The following ROR2 variants were observed in gnomAD, a reference collection of about 807,000 sequenced individuals.
The protein encoded by ROR2 is ROR family WNT receptor 2.
ROR2 carries 33 observed loss-of-function variants against 74.9 expected under a neutral mutation model. The ratio of observed to expected loss-of-function variants is 0.44; its 90% CI spans 0.33 to 0.59. The LOEUF is 0.59. Among genes scored for constraint, ROR2 ranks in the 20% least tolerant of loss-of-function variants. ROR2 has a pLI of 0.02. For synonymous variants in ROR2, 586 were observed against 558.7 expected (o/e 1.05, Z -0.69); for missense variants, 1,216 against 1,313.8 (o/e 0.93, Z 1.15).
At position 91,818,443 on chromosome 9, in the gene ROR2, C is replaced by T. The variant is rs1366990403; in HGVS notation, c.98-42625G>A. 5.3e-5 allele frequency among the ~76,000 whole-genome samples: 8 copies of T among 149,934 alleles called. 1 individual carries two copies. In the East Asian group the frequency reaches 8.0e-4, roughly 15 times the overall value. ...GTACTCCACCACAACCACCAACTCC[C>T]GCCCACCACGCCCCCCCACCCCACC... On this transcript the variant is annotated intron_variant, in intron 1 of 8. Coordinates refer to ENST00000375708, the MANE Select transcript of ROR2 (RefSeq NM_004560.4).
intron 1 of ROR2, among the ~76,000 whole-genome samples, chr9:91,812,298 G>A (rs898881305): frequency 9.2e-5 from 14 of 152,118 alleles, no homozygotes; most frequent in African/African-American, 2.6e-4. Flanking sequence ...AGAAGAAAAC[G>A]GGCGGATTTA....
intron 1 of ROR2, among the ~76,000 whole-genome samples, chr9:91,853,902 G>A (rs778611353): frequency 2.0e-5 from 3 of 152,204 alleles, no homozygotes; most frequent in Non-Finnish European, 4.4e-5. Flanking sequence ...ATGAGACGCT[G>A]AGGAACAAAG....
intron 1 of ROR2, among the ~76,000 whole-genome samples, chr9:91,906,008 A>G (rs76471041): frequency 4.2e-5 from 6 of 143,970 alleles, no homozygotes; most frequent in Admixed American, 2.7e-4. Context: ...GAATTCTTTG[A>G]AAAAAAAAAA....
At position 91,724,058 on chromosome 9, in the gene ROR2, C is replaced by T. The variant is rs752571643; in HGVS notation, c.2436G>A (p.Val812=). ...IPMKGQIRPM[V]PPPQLYVPVN... ...CGGGGACGTAGAGCTGCGGCGGGGG[C>T]ACCATGGGTCTGATCTGGCCCTTCA... The change falls in exon 9 of 9, where the codon GTG becomes GTA. Residue 812 remains valine (V), a synonymous_variant. Transcript: ENST00000375708. The T allele has an allele frequency of 2.8e-5, 45 of 1,609,812 alleles. No individual in the cohort carries two copies. The South Asian group carries it at 4.2e-4, about 15-fold the overall frequency.
chr9:91,802,773 C>G (rs567504357), intron 1 of ROR2, among the ~76,000 whole-genome samples: 1 of 152,236 alleles, frequency 6.6e-6, no homozygotes, highest in African/African-American at 2.4e-5. Context: ...TTTTCCTGGT[C>G]TCCCAATCAC....
intron 1 of ROR2, among the ~76,000 whole-genome samples, chr9:91,806,002 G>A (rs1827534332): frequency 6.6e-6 from 1 of 152,166 alleles, no homozygotes; most frequent in Non-Finnish European, 1.5e-5. Flanking sequence ...AATTCAACAA[G>A]CCTGATTTTA....
chr9:91,843,751 C>A (rs990396240), intron 1 of ROR2, among the ~76,000 whole-genome samples: 4 of 152,264 alleles, frequency 2.6e-5, no homozygotes, highest in East Asian at 1.9e-4. Context: ...CGTGGCACCA[C>A]CCCCGGCTCC....
intron 1 of ROR2, among the ~76,000 whole-genome samples, chr9:91,824,915 G>C (rs1351949724): frequency 6.6e-6 from 1 of 152,172 alleles, no homozygotes; most frequent in East Asian, 1.9e-4. Flanking sequence ...TTAACCTAGT[G>C]AACAGCGCTG....
chr9:91,755,316 AC>A (rs1825712556), intron 4 of ROR2, among the ~76,000 whole-genome samples: 1 of 152,228 alleles, frequency 6.6e-6, no homozygotes, highest in Non-Finnish European at 1.5e-5. Flanking sequence ...TGCACACTTT[AC>A]CAACCATATA....
At chr9:91,903,028 G>A (rs1018884899) in intron 1 of ROR2, among the ~76,000 whole-genome samples, 1 of 152,032 alleles carries the variant, frequency 6.6e-6, no homozygotes, top group African/African-American at 2.4e-5. Flanking sequence ...TGTGGATGGC[G>A]GTGATGGTTG....
intron 1 of ROR2, among the ~76,000 whole-genome samples, chr9:91,835,844 CA>C (rs1828595727): frequency 6.6e-6 from 1 of 152,192 alleles, no homozygotes; most frequent in Admixed American, 6.5e-5. Context: ...GAAGACACCA[CA>C]AAAACACTCT....
intron 6 of ROR2, 70 bp from the exon 7 acceptor site, chr9:91,731,225 AC>A: frequency 6.2e-7 from 1 of 1,603,602 alleles, no homozygotes; most frequent in Non-Finnish European, 8.5e-7. Context: ...ACATGCCCAA[AC>A]TAGAATTTCC....
chr9:91,828,378 A>AT (rs753971670), intron 1 of ROR2, among the ~76,000 whole-genome samples: 1 of 152,226 alleles, frequency 6.6e-6, no homozygotes, highest in Non-Finnish European at 1.5e-5. Context: ...AAGTTCACAA[A>AT]TTAATTCTAA....
At chr9:91,819,519 GTC>G (rs1828065618) in intron 1 of ROR2, among the ~76,000 whole-genome samples, 1 of 151,222 alleles carries the variant, frequency 6.6e-6, no homozygotes, top group African/African-American at 2.4e-5. Context: ...TGTGTTCTGT[GTC>G]TGTCTTTGTG....
At chr9:91,896,268 G>C (rs904649340) in intron 1 of ROR2, among the ~76,000 whole-genome samples, 1 of 152,136 alleles carries the variant, frequency 6.6e-6, no homozygotes, top group African/African-American at 2.4e-5. Flanking sequence ...GCTCCACTGG[G>C]TATATTTGTA....
At chr9:91,894,868 T>C (rs1459189002) in intron 1 of ROR2, among the ~76,000 whole-genome samples, 3 of 152,176 alleles carry the variant, frequency 2.0e-5, no homozygotes, top group Middle Eastern at 3.2e-3. Context: ...GGAAGACAGT[T>C]TGATGGTTTC....
At chr9:91,767,809 A>C (rs1339598606) in intron 2 of ROR2, among the ~76,000 whole-genome samples, 1 of 152,180 alleles carries the variant, frequency 6.6e-6, no homozygotes, top group African/African-American at 2.4e-5. Context: ...GATGAAGAAA[A>C]CCACCTAAGA....
At chr9:91,906,170 T>C (rs954236881) in intron 1 of ROR2, among the ~76,000 whole-genome samples, 1 of 151,934 alleles carries the variant, frequency 6.6e-6, no homozygotes, top group African/African-American at 2.4e-5. Flanking sequence ...CAGAAGGAGG[T>C]GGCAGGGCTG....
intron 1 of ROR2, among the ~76,000 whole-genome samples, chr9:91,902,635 T>C (rs1377792495): frequency 2.6e-5 from 4 of 152,000 alleles, no homozygotes; most frequent in South Asian, 2.1e-4. Context: ...CCAGCATCAG[T>C]TGGAGAGCTC....
Sources: gnomAD v4.1 joint callset for allele counts (sites outside exome capture counted in the v4.1 genomes callset) on GRCh38, gnomAD v4.1.1 for gene constraint, MANE v1.5 for transcripts, NCBI Gene and HGNC (gene_info 2026-07-23, HGNC 2026-07-21) for gene names.